Variants in PLB1 observed in about 807,000 individuals in gnomAD.
PLB1 encodes the protein phospholipase B1, membrane-associated.
PLB1 carries 242 observed loss-of-function variants against 227.4 expected under a neutral mutation model. The ratio of observed to expected loss-of-function variants is 1.06; its 90% CI spans 0.96 to 1.18. PLB1 has a LOEUF of 1.18. Ranked by LOEUF, PLB1 falls within the 50% of genes most tolerant of loss-of-function variation. PLB1 has a pLI of 0.00. For missense variants in PLB1, 1,858 were observed against 1,816.3 expected (o/e 1.02, Z -0.42); for synonymous variants, 757 against 682.2 (o/e 1.11, Z -1.71).
intron 47 of PLB1, 90 bp downstream of exon 47, chr2:28,620,422 G>A: frequency 7.2e-7 from 1 of 1,392,922 alleles, no homozygotes; most frequent in Non-Finnish European, 9.8e-7. Flanking sequence ...CAGGGATGCA[G>A]TTGGGTCCCC....
At chr2:28,521,111 T>G (rs550491703) in intron 4 of PLB1, among the ~76,000 whole-genome samples, 12 of 152,366 alleles carry the variant, frequency 7.9e-5, no homozygotes, top group Non-Finnish European at 1.5e-4. Flanking sequence ...TTTCCCTTCC[T>G]TTCTTAAGGA....
At chr2:28,597,619 C>T (rs1000372925) in intron 33 of PLB1, among the ~76,000 whole-genome samples, 1 of 152,152 alleles carries the variant, frequency 6.6e-6, no homozygotes, top group Non-Finnish European at 1.5e-5. Flanking sequence ...TGACTTTTAA[C>T]AAGTTAATTA....
intron 1 of PLB1, among the ~76,000 whole-genome samples, chr2:28,499,833 C>G (rs1327436563): frequency 6.6e-6 from 1 of 151,920 alleles, no homozygotes. Flanking sequence ...TGTAGTAAGC[C>G]GAGATTGCAC....
chr2:28,620,946 A>C lies in PLB1; in HGVS notation c.3495A>C (p.Gly1165=). The C allele has an allele frequency of 6.2e-7, 1 of 1,613,672 alleles. No homozygotes were observed. The highest frequency in any genetic ancestry group is 2.2e-5 in the East Asian group (1 of 44,874). Residue 1165 remains glycine (G), a synonymous_variant, in exon 49 of 58, where the codon GGA becomes GGC. Transcript: ENST00000327757. The part of the protein sequence containing the change: ...FSTSTWEGTA[G]LNVAAEGARA... Reference sequence around the variant, plus strand: ...CCAGCACCTGGGAGGGGACAGCAGGACTAAATGTGGCAGCGGAAGGGGCCA... The same window carrying C: ...CCAGCACCTGGGAGGGGACAGCAGGCCTAAATGTGGCAGCGGAAGGGGCCA...
At chr2:28,620,427 G>A (rs1573487333) in intron 47 of PLB1, 95 bp downstream of exon 47, 1 of 1,361,744 alleles carries the variant, frequency 7.3e-7, no homozygotes, top group African/African-American at 1.5e-5. Context: ...ATGCAGTTGG[G>A]TCCCCAGGTC....
At chr2:28,511,222 A>G (rs2148167299) in intron 1 of PLB1, among the ~76,000 whole-genome samples, 1 of 152,278 alleles carries the variant, frequency 6.6e-6, no homozygotes, top group South Asian at 2.1e-4. Context: ...TATTTATATT[A>G]GGGTTGGCAA....
chr2:28,515,236 G>T (rs1274024159), intron 1 of PLB1, among the ~76,000 whole-genome samples: 1 of 152,132 alleles, frequency 6.6e-6, no homozygotes, highest in Non-Finnish European at 1.5e-5. Context: ...CCCCTGGAGT[G>T]ATGATCACCT....
intron 9 of PLB1, 76 bp downstream of exon 9, chr2:28,532,270 C>G (rs1671120170): frequency 1.7e-5 from 20 of 1,193,448 alleles, no homozygotes; most frequent in Non-Finnish European, 2.4e-5. Flanking sequence ...TGCCTGATTA[C>G]CCAATCCCCA....
chr2:28,519,173 C>G (rs1014173379), intron 3 of PLB1, among the ~76,000 whole-genome samples: 2 of 151,780 alleles, frequency 1.3e-5, no homozygotes, highest in Non-Finnish European at 2.9e-5. Flanking sequence ...GCTAAAGATG[C>G]CAATCACTCA....
intron 1 of PLB1, among the ~76,000 whole-genome samples, chr2:28,501,691 A>C (rs1667119840): frequency 6.6e-6 from 1 of 152,134 alleles, no homozygotes; most frequent in South Asian, 2.1e-4. Context: ...GAGAAAATAT[A>C]TTCTTATTTT....
intron 1 of PLB1, among the ~76,000 whole-genome samples, chr2:28,501,357 C>A (rs73922126): frequency 0.021 from 3,180 of 152,258 alleles, 104 homozygotes; most frequent in African/African-American, 0.073. Context: ...TGCCATACTT[C>A]CGTCCTTTAG....
intron 35 of PLB1, among the ~76,000 whole-genome samples, chr2:28,599,388 ATCT>A (rs1281356019): frequency 6.6e-6 from 1 of 152,164 alleles, no homozygotes; most frequent in Non-Finnish European, 1.5e-5. Flanking sequence ...GTCACATGTC[ATCT>A]TCTTGCTCAG....
rs200073315 is a variant in PLB1, at chr2:28,633,058, G to A, written c.4098+19G>A. 1.1e-5 allele frequency: 17 copies of A among 1,599,852 alleles called. No homozygotes were observed. In the Admixed American group the frequency reaches 2.0e-4, roughly 19 times the overall value. ...CAACATGGTGAGCAGCCAAGGGCCTGGTGGGCCTTGTCAAGGGGGGATCTA... is the reference window on the plus strand; with the variant it reads ...CAACATGGTGAGCAGCCAAGGGCCTAGTGGGCCTTGTCAAGGGGGGATCTA... On this transcript the variant is annotated intron_variant, in intron 56 of 57. Coordinates refer to ENST00000327757, the MANE Select transcript of PLB1 (RefSeq NM_153021.5).
chr2:28,503,400 C>A, intron 1 of PLB1, among the ~76,000 whole-genome samples: 1 of 152,254 alleles, frequency 6.6e-6, no homozygotes, highest in Admixed American at 6.5e-5. Context: ...AGCTATCATC[C>A]AACAGCCTCT....
At chr2:28,581,983 A>AG (rs1680101283) in intron 23 of PLB1, 85 bp from the exon 24 acceptor site, 6 of 1,308,390 alleles carry the variant, frequency 4.6e-6, no homozygotes, top group African/African-American at 4.6e-5. Flanking sequence ...AAAAAAAAGA[A>AG]GGGGACCCAA....
intron 43 of PLB1, among the ~76,000 whole-genome samples, chr2:28,611,551 C>T (rs930007554): frequency 2.0e-5 from 3 of 152,212 alleles, no homozygotes; most frequent in South Asian, 4.1e-4. Flanking sequence ...GCCTCAGCTT[C>T]TCAAGTCTGT....
At chr2:28,634,636 G>A (rs768338562) in intron 56 of PLB1, among the ~76,000 whole-genome samples, 2 of 152,150 alleles carry the variant, frequency 1.3e-5, no homozygotes, top group Middle Eastern at 3.4e-3. Context: ...GGCCAGGCAC[G>A]GTGGCTCATG....
At chr2:28,556,760 T>C (rs1675198176) in intron 17 of PLB1, among the ~76,000 whole-genome samples, 1 of 152,036 alleles carries the variant, frequency 6.6e-6, no homozygotes, top group Admixed American at 6.6e-5. Context: ...GTGGGAAAAA[T>C]TCAGAGCTTT....
intron 17 of PLB1, among the ~76,000 whole-genome samples, chr2:28,557,818 G>A (rs1358177852): frequency 6.6e-6 from 1 of 152,148 alleles, no homozygotes; most frequent in African/African-American, 2.4e-5. Context: ...GTGCTTTACT[G>A]TATTTCTAAG....
Sources: allele counts gnomAD v4.1 joint callset (sites outside exome capture counted in the v4.1 genomes callset), GRCh38; gene constraint gnomAD v4.1.1; transcripts MANE v1.5; gene names NCBI Gene and HGNC (gene_info 2026-07-23, HGNC 2026-07-21).